Variants in UBA5 observed in about 807,000 individuals in gnomAD.
The protein encoded by UBA5 is ubiquitin-like modifier-activating enzyme 5.
A neutral mutation model predicts 52.9 loss-of-function variants in UBA5; 28 were observed. That is an observed-to-expected ratio of 0.53 (90% CI 0.39 to 0.73). The LOEUF (loss-of-function observed/expected upper bound fraction) is 0.73. Among genes scored for constraint, UBA5 ranks in the 30% least tolerant of loss-of-function variants. The pLI, the probability that UBA5 is intolerant of heterozygous loss-of-function variation, is 0.00. For missense variants in UBA5, 388 were observed against 492.7 expected, an observed-to-expected ratio of 0.79 and a Z score of 2.01; for synonymous variants, 135 against 162.1, an observed-to-expected ratio of 0.83 and a Z score of 1.27.
intron 8 of UBA5, among the ~76,000 whole-genome samples, chr3:132,674,323 G>A (rs1938736755): frequency 6.6e-6 from 1 of 151,954 alleles, no homozygotes; most frequent in South Asian, 2.1e-4. Context: ...TTATGTTAGT[G>A]CAAAGGTAAT....
At chr3:132,664,380 A>G (rs943808961) in intron 1 of UBA5, among the ~76,000 whole-genome samples, 1 of 152,216 alleles carries the variant, frequency 6.6e-6, no homozygotes, top group Non-Finnish European at 1.5e-5. Context: ...TTTATAAAGA[A>G]TATAATTTTG....
intron 1 of UBA5, among the ~76,000 whole-genome samples, chr3:132,654,932 G>A (rs1459868882): frequency 1.3e-5 from 2 of 152,182 alleles, no homozygotes; most frequent in Non-Finnish European, 2.9e-5. Flanking sequence ...GAGCTCTGTG[G>A]TACAGCCTGC....
At chr3:132,671,082 G>T in intron 6 of UBA5, 33 bp downstream of exon 6, 1 of 1,552,968 alleles carries the variant, frequency 6.4e-7, no homozygotes, top group South Asian at 1.1e-5. Flanking sequence ...ATATATTCAT[G>T]GATTTATCTG....
intron 1 of UBA5, among the ~76,000 whole-genome samples, chr3:132,663,635 C>T (rs977599477): frequency 6.6e-6 from 1 of 152,142 alleles, no homozygotes; most frequent in South Asian, 2.1e-4. Flanking sequence ...GGTTTCTCAA[C>T]TAAATAGTCT....
At chr3:132,662,368 CTTA>C (rs1219966513) in intron 1 of UBA5, among the ~76,000 whole-genome samples, 2 of 152,116 alleles carry the variant, frequency 1.3e-5, no homozygotes, top group Non-Finnish European at 2.9e-5. Flanking sequence ...GTATTGAGTA[CTTA>C]TTGTGTGCAG....
chr3:132,670,990 C>T lies in UBA5; in HGVS notation c.520C>T (p.Pro174Ser). The T allele has an allele frequency of 6.2e-7, 1 of 1,613,202 alleles. No homozygotes were observed. The highest frequency in any genetic ancestry group is 8.5e-7 in the Non-Finnish European group (1 of 1,179,470). Residue 174 changes from proline (P) to serine (S), a missense_variant, in exon 6 of 12, where the codon CCT becomes TCT. This residue lies in a region of UBA5 where 277 missense variants were observed against 326.4 expected (regional missense o/e 0.85). Transcript: ENST00000356232. ...TAATGGTGGGTTAGAAGAAGGAAAA[C>T]CTGTTGATCTAGTTCTTAGCTGTGT... ...ISNGGLEEGK[P>S]VDLVLSCVDN...
upstream of UBA5, among the ~76,000 whole-genome samples, chr3:132,656,871 T>G (rs1004577955): frequency 2.0e-5 from 3 of 151,970 alleles, no homozygotes; most frequent in Admixed American, 2.0e-4. Context: ...TTAATTTGCA[T>G]TTCCCTTATT....
rs1938364277 is a variant in UBA5 at position 132,666,034 on chromosome 3, T to C, written c.258T>C (p.Ser86=). ...VAIVGVGGVG[S]VTAEMLTRCG... ...TAGTAGGTGTTGGTGGAGTAGGTAG[T>C]GTGACTGCTGAAATGCTGACAAGAT... The change falls in exon 3 of 12, where the codon AGT becomes AGC. Residue 86 remains serine (S), a synonymous_variant. Coordinates refer to ENST00000356232, the MANE Select transcript of UBA5 (RefSeq NM_024818.6). 6.2e-7 allele frequency: 1 copy of C among 1,613,518 alleles called. No homozygotes were observed. Among genetic ancestry groups the C allele is most frequent in the Non-Finnish European group, 8.5e-7 (1 of 1,179,602 alleles).
rs997209905 is a variant in UBA5, at chr3:132,678,798, C to T, written c.*2272C>T. Among the ~76,000 whole-genome samples the T allele has an allele frequency of 6.6e-5, 10 of 151,770 alleles. No homozygotes were observed. The highest frequency in any genetic ancestry group is 1.5e-4 in the African/African-American group (6 of 41,354). ...CCAAGTAGCTGGGATTACAGGTGCC[C>T]GCCACCACGCATGGCTAATTTTTGT... On this transcript the variant is annotated 3_prime_UTR_variant, in exon 12 of 12. Transcript: ENST00000356232.
At chr3:132,659,656 G>C, upstream of UBA5, 1 of 1,611,800 alleles carries the variant, frequency 6.2e-7, no homozygotes, top group Admixed American at 1.7e-5. Flanking sequence ...AGCCAGACAA[G>C]TGCTGGTTTA....
upstream of UBA5, among the ~76,000 whole-genome samples, chr3:132,658,145 G>A (rs1338410213): frequency 6.6e-6 from 1 of 152,138 alleles, no homozygotes; most frequent in Non-Finnish European, 1.5e-5. Flanking sequence ...TTACAAGTGT[G>A]AGTCACTGCA....
chr3:132,665,918 A>C, intron 2 of UBA5, 50 bp downstream of exon 2: 1 of 1,611,364 alleles, frequency 6.2e-7, no homozygotes, highest in Non-Finnish European at 8.5e-7. Context: ...AGTAAATTAA[A>C]ATAACTTCTG....
Position 132,668,836 on chromosome 3 carries a change from G to T in UBA5, c.316G>T (p.Asp106Tyr). 1.2e-6 allele frequency: 2 copies of T among 1,604,678 alleles called. No individual in the cohort carries two copies. Among genetic ancestry groups the T allele is most frequent in the Non-Finnish European group, 8.5e-7 (1 of 1,177,160 alleles). The part of the protein sequence containing the change: ...GIGKLLLFDY[D>Y]KVELANMNRL... ...ATTTTAGTTGCTACTCTTTGATTAT[G>T]ACAAGGTGGAACTAGCCAATATGAA... The change falls in exon 4 of 12, where the codon GAC (aspartate) becomes TAC (tyrosine). Residue 106 changes from aspartate (D) to tyrosine (Y), a missense_variant. Asp to Tyr is a radical substitution (Grantham distance 160). Around this residue, in one of 3 missense-constraint regions of UBA5, gnomAD observed 16 missense variants for 59.3 expected, o/e 0.27. Coordinates refer to ENST00000356232, the MANE Select transcript of UBA5 (RefSeq NM_024818.6).
rs2107943552 is a variant in UBA5 at position 132,672,072 on chromosome 3, C to T, written c.707C>T (p.Ala236Val). Residue 236 changes from alanine (A) to valine (V), a missense_variant, in exon 8 of 12, where the codon GCT becomes GTT. Transcript: ENST00000356232. Reference protein sequence around the residue: ...CFACAPPLVVAANIDEKTLKR... With the variant: ...CFACAPPLVVVANIDEKTLKR... ...TAGTGTGCTCCACCACTTGTAGTTG[C>T]TGCAAATATTGATGAAAAGACTCTG... 1 of 1,613,784 alleles carries T rather than the reference C, an allele frequency of 6.2e-7. No homozygotes were observed. Among genetic ancestry groups the T allele is most frequent in the Non-Finnish European group, 8.5e-7 (1 of 1,179,904 alleles).
chr3:132,674,535 T>A (rs370158679), intron 8 of UBA5, among the ~76,000 whole-genome samples: 3 of 151,726 alleles, frequency 2.0e-5, no homozygotes, highest in South Asian at 2.1e-4. Flanking sequence ...AAAAAAAAAA[T>A]ACAAAAATTA....
At chr3:132,656,673 T>C (rs1324515971), upstream of UBA5, among the ~76,000 whole-genome samples, 1 of 152,038 alleles carries the variant, frequency 6.6e-6, no homozygotes, top group Non-Finnish European at 1.5e-5. Flanking sequence ...TTCGTATTTT[T>C]AGTAGAGACG....
chr3:132,665,948 G>A (rs1442113108), intron 2 of UBA5, 36 bp from the exon 3 acceptor site: 5 of 1,610,332 alleles, frequency 3.1e-6, no homozygotes, highest in Non-Finnish European at 4.2e-6. Flanking sequence ...TTGATGAAGA[G>A]CTATTAACCA....
Position 132,660,660 on chromosome 3 carries a change from G to A in UBA5, c.123G>A (p.Glu41=). ...GAGGGGGCGGCCGGGTCCGCATCGA[G>A]AAGATGAGCTCAGAGGTGGTGGATT... is the stretch of plus-strand genomic sequence containing the variant. ...GDGGGGRVRI[E]KMSSEVVDSN... is the part of the protein sequence containing the mutation. Residue 41 remains glutamate, a synonymous_variant, in exon 1 of 12, where the codon GAG becomes GAA. Transcript: ENST00000356232. The surrounding 1 kb of genome is among the most constrained non-coding windows in gnomAD (Gnocchi z 4.1). 1 of 1,576,106 alleles carries A rather than the reference G, an allele frequency of 6.3e-7. No homozygotes were observed. The highest frequency in any genetic ancestry group is 1.2e-5 in the South Asian group (1 of 85,740).
intron 5 of UBA5, 123 bp from the exon 6 acceptor site, chr3:132,670,842 A>G (rs1938568891): frequency 1.8e-6 from 1 of 556,644 alleles, no homozygotes; most frequent in South Asian, 2.7e-5. Context: ...TTACATATTT[A>G]TTATGTAATA....
Sources: allele counts gnomAD v4.1 joint callset (sites outside exome capture counted in the v4.1 genomes callset), GRCh38; gene constraint gnomAD v4.1.1; regional missense constraint gnomAD v4.1.1; non-coding constraint Gnocchi (gnomAD v3.1); transcripts MANE v1.5; gene names NCBI Gene and HGNC (gene_info 2026-07-23, HGNC 2026-07-21).